TAS1R3: variants seen among roughly 807,000 people sequenced by gnomAD.
The protein encoded by TAS1R3 is taste 1 receptor member 3.
In TAS1R3, 58 loss-of-function variants were observed where a neutral mutation model predicts 46.1. The observed-to-expected ratio is 1.26, with a 90% CI of 1.02 to 1.57. The LOEUF (loss-of-function observed/expected upper bound fraction) is 1.57, where lower values mean the gene tolerates loss of function less well. TAS1R3 is among the 40% of genes most tolerant of loss of function. TAS1R3 has a pLI of 0.00. For synonymous variants in TAS1R3, 724 were observed against 544.7 expected (o/e 1.33, Z -4.58); for missense variants, 1,422 against 1,185.8 (o/e 1.20, Z -2.93).
At position 1,333,723 on chromosome 1, in the gene TAS1R3, G is replaced by A. The variant is rs1322026934; in HGVS notation, c.1818G>A (p.Leu606=). 3 of 1,605,694 alleles carry A rather than the reference G, an allele frequency of 1.9e-6. No homozygotes were observed. The highest frequency in any genetic ancestry group is 1.7e-6 in the Non-Finnish European group (2 of 1,177,530). ...TGGTTCAGGCCTCGGGGGGGCCCCT[G>A]GCCTGCTTTGGCCTGGTGTGCCTGG... ...SPLVQASGGP[L]ACFGLVCLGL... is the part of the protein sequence containing the mutation. Residue 606 remains leucine, a synonymous_variant, in exon 6 of 6, where the codon CTG becomes CTA. Coordinates refer to ENST00000339381, the MANE Select transcript of TAS1R3 (RefSeq NM_152228.3).
At position 1,332,376 on chromosome 1, in the gene TAS1R3, C is replaced by T; in HGVS notation, c.845C>T (p.Ala282Val). 1 of 1,600,722 alleles carries T rather than the reference C, an allele frequency of 6.2e-7. No individual in the cohort carries two copies. Among genetic ancestry groups the T allele is most frequent in the Non-Finnish European group, 8.5e-7 (1 of 1,174,844 alleles). Residue 282 changes from alanine to valine, a missense_variant, in exon 3 of 6, where the codon GCC (alanine) becomes GTC (valine). By Grantham distance (64) the Ala-to-Val change is moderately conservative. Transcript: ENST00000339381. ...TTCGCCTCCGTGCACGCCGCCCACG[C>T]CCTCTTCAACTACAGCATCAGCAGC... ...LLFASVHAAH[A>V]LFNYSISSRL...
Position 1,334,674 on chromosome 1 carries a change from G to A in TAS1R3, c.*210G>A, listed in dbSNP as rs369353486. The A allele has an allele frequency of 3.6e-3, 2,120 of 593,170 alleles. 12 individuals are homozygous for A. The highest frequency in any genetic ancestry group is 5.3e-3 in the Non-Finnish European group (1,833 of 345,208). 36.7% of individuals were successfully genotyped at this position (593,170 alleles called of 1,614,324 possible). On this transcript the variant is annotated 3_prime_UTR_variant, in exon 6 of 6. Transcript: ENST00000339381. ...GGCCCCAGAGCCAAGCTGTGTCCCT[G>A]TCCCTCTGTGCCCAGACCAGGCCTG...
Position 1,333,004 on chromosome 1 carries a change from G to A in TAS1R3, c.1359G>A (p.Glu453=), listed in dbSNP as rs773709147. ...RFDSSGNVDM[E]YDLKLWVWQG... ...ACAGCAGCGGAAACGTGGACATGGA[G>A]TACGACCTGAAGCTGTGGGTGTGGC... The change falls in exon 4 of 6, where the codon GAG becomes GAA. Residue 453 remains glutamate (E), a synonymous_variant. Coordinates refer to ENST00000339381, the MANE Select transcript of TAS1R3 (RefSeq NM_152228.3). The A allele has an allele frequency of 3.1e-6, 5 of 1,612,684 alleles. No individual in the cohort carries two copies. The highest frequency in any genetic ancestry group is 4.5e-5 in the East Asian group (2 of 44,890).
chr1:1,332,198 C>G lies in TAS1R3; in HGVS notation c.667C>G (p.Leu223Val). 6.3e-7 allele frequency: 1 copy of G among 1,595,084 alleles called. No homozygotes were observed. Among genetic ancestry groups the G allele is most frequent in the Non-Finnish European group, 8.5e-7 (1 of 1,177,228 alleles). The change falls in exon 3 of 6, where the codon CTG becomes GTG. Residue 223 changes from leucine (L) to valine (V), a missense_variant. Physicochemically the swap from Leu to Val is conservative, Grantham distance 32 (BLOSUM62 1). Coordinates refer to ENST00000339381, the MANE Select transcript of TAS1R3 (RefSeq NM_152228.3). ...GSDDEYGRQGLSIFSALAAAR... is the reference protein window; with the variant it reads ...GSDDEYGRQGVSIFSALAAAR... ...CGACGACGAGTACGGCCGGCAGGGCCTGAGCATCTTCTCGGCCCTGGCCGC... is the reference window on the plus strand; with the variant it reads ...CGACGACGAGTACGGCCGGCAGGGCGTGAGCATCTTCTCGGCCCTGGCCGC...
rs139563813 is a variant in TAS1R3, at chr1:1,333,648, C to A, written c.1743C>A (p.Gly581=). 3.1e-6 allele frequency: 5 copies of A among 1,612,116 alleles called. No individual in the cohort carries two copies. In the South Asian group the frequency reaches 5.5e-5, roughly 18 times the overall value. The change falls in exon 6 of 6, where the codon GGC becomes GGA. Residue 581 remains glycine, a synonymous_variant. Coordinates refer to ENST00000339381, the MANE Select transcript of TAS1R3 (RefSeq NM_152228.3). The part of the protein sequence containing the change: ...LLLLLLSLAL[G]LVLAALGLFV... ...TCCTGCTGCTGAGCCTGGCGCTGGGCCTTGTGCTGGCTGCTTTGGGGCTGT... is the reference window on the plus strand; with the variant it reads ...TCCTGCTGCTGAGCCTGGCGCTGGGACTTGTGCTGGCTGCTTTGGGGCTGT...
rs375666427 is a variant in TAS1R3, at chr1:1,332,644, G to T, written c.1113G>T (p.Pro371=). 1.2e-6 allele frequency: 2 copies of T among 1,607,904 alleles called. No homozygotes were observed. The highest frequency in any genetic ancestry group is 1.7e-6 in the Non-Finnish European group (2 of 1,179,636). The stretch of plus-strand genomic sequence containing the variant: ...AGGACGTGGTGGGCCAGCGCTGCCC[G>T]CAGTGTGACTGCATCACGCTGCAGA... ...LEEDVVGQRC[P]QCDCITLQNV... The change falls in exon 3 of 6, where the codon CCG becomes CCT. Residue 371 remains proline, a synonymous_variant. Coordinates refer to ENST00000339381, the MANE Select transcript of TAS1R3 (RefSeq NM_152228.3).
In TAS1R3 at chr1:1,332,061, G is replaced by A. The variant is rs373399503; in HGVS notation, c.530G>A (p.Arg177Gln). 1.0e-4 allele frequency: 163 copies of A among 1,559,492 alleles called. 1 individual carries two copies. The highest frequency in any genetic ancestry group is 1.0e-3 in the South Asian group (90 of 90,176). The stretch of plus-strand genomic sequence containing the variant: ...GCTAGCATGGAGCTGCTGAGCGCCC[G>A]GGAGACCTTCCCCTCCTTCTTCCGC... ...YGASMELLSARETFPSFFRTV... is the reference protein window; with the variant it reads ...YGASMELLSAQETFPSFFRTV... The change falls in exon 3 of 6, where the codon CGG becomes CAG. Residue 177 changes from arginine to glutamine, a missense_variant. Arg to Gln is a conservative substitution (Grantham distance 43). Coordinates refer to ENST00000339381, the MANE Select transcript of TAS1R3 (RefSeq NM_152228.3).
chr1:1,333,934 CG>C lies in TAS1R3; in HGVS notation c.2034del (p.Trp680GlyfsTer29), dbSNP rs745440810. ...SWADRLSGCLRGPWAWLVVLL... is the reference protein window; with the variant it reads ...SWADRLSGCLXGPWAWLVVLL... ...GGCAGACCGGCTGAGTGGCTGCCTGCGGGGGCCCTGGGCCTGGCTGGTGGTG... is the reference window on the plus strand; with the variant it reads ...GGCAGACCGGCTGAGTGGCTGCCTGCGGGGCCCTGGGCCTGGCTGGTGGTG... On this transcript the variant is annotated frameshift_variant, in exon 6 of 6. Transcript: ENST00000339381. LOFTEE classifies it low-confidence loss of function (END_TRUNC). 5.4e-5 allele frequency: 87 copies of C among 1,600,144 alleles called. No individual in the cohort carries two copies. In the African/African-American group the frequency reaches 8.4e-4, roughly 15 times the overall value.
Position 1,332,245 on chromosome 1 carries a change from G to A in TAS1R3, c.714G>A (p.Ala238=), listed in dbSNP as rs759746670. The A allele has an allele frequency of 1.9e-5, 31 of 1,595,204 alleles. No homozygotes were observed. Among genetic ancestry groups the A allele is most frequent in the African/African-American group, 1.5e-4 (11 of 74,784 alleles). ...CCGCGGCACGCGGCATCTGCATCGC[G>A]CACGAGGGCCTGGTGCCGCTGCCCC... ...ALAAARGICI[A]HEGLVPLPRA... Residue 238 remains alanine (A), a synonymous_variant, in exon 3 of 6, where the codon GCG becomes GCA. Transcript: ENST00000339381.
At position 1,331,881 on chromosome 1, in the gene TAS1R3, C is replaced by T; in HGVS notation, c.435C>T (p.His145=). The T allele has an allele frequency of 6.2e-7, 1 of 1,612,858 alleles. No individual in the cohort carries two copies. Among genetic ancestry groups the T allele is most frequent in the South Asian group, 1.1e-5 (1 of 91,078 alleles). ...QPRVLAVIGP[H]SSELAMVTGK... is the part of the protein sequence containing the mutation. The stretch of plus-strand genomic sequence containing the variant: ...GTGTGCTGGCTGTCATCGGGCCCCA[C>T]TCGTCAGAGCTCGCCATGGTCACCG... Residue 145 remains histidine, a synonymous_variant, in exon 2 of 6, where the codon CAC becomes CAT. Transcript: ENST00000339381.
In TAS1R3 at chr1:1,332,060, C is replaced by T. The variant is rs542634007; in HGVS notation, c.529C>T (p.Arg177Trp). ...YGASMELLSA[R>W]ETFPSFFRTV... Reference sequence around the variant, plus strand: ...TGCTAGCATGGAGCTGCTGAGCGCCCGGGAGACCTTCCCCTCCTTCTTCCG... The same window carrying T: ...TGCTAGCATGGAGCTGCTGAGCGCCTGGGAGACCTTCCCCTCCTTCTTCCG... Residue 177 changes from arginine to tryptophan, a missense_variant, in exon 3 of 6, where the codon CGG becomes TGG. Arg to Trp is a moderately radical substitution (Grantham distance 101, BLOSUM62 -3). Transcript: ENST00000339381. 38 of 1,605,206 alleles carry T rather than the reference C, an allele frequency of 2.4e-5. No homozygotes were observed. The highest frequency in any genetic ancestry group is 8.0e-5 in the African/African-American group (6 of 75,032).
At position 1,331,755 on chromosome 1, in the gene TAS1R3, C is replaced by A; in HGVS notation, c.309C>A (p.Cys103Ter). 6.2e-7 allele frequency: 1 copy of A among 1,612,920 alleles called. No individual in the cohort carries two copies. Among genetic ancestry groups the A allele is most frequent in the Non-Finnish European group, 8.5e-7 (1 of 1,180,026 alleles). Residue 103 changes from cysteine (C) to a stop codon, truncating the protein, a stop_gained, in exon 2 of 6, where the codon TGC becomes TGA. Coordinates refer to ENST00000339381, the MANE Select transcript of TAS1R3 (RefSeq NM_152228.3). LOFTEE classifies it high-confidence loss of function. The stretch of plus-strand genomic sequence containing the variant: ...TGGGCTACGACCTCTTTGATACGTG[C>A]TCGGAGCCTGTGGTGGCCATGAAGC... ...LRLGYDLFDT[C>*]SEPVVAMKPS...
chr1:1,331,945 G>C lies in TAS1R3; in HGVS notation c.492+7G>C, dbSNP rs372504684. The C allele has an allele frequency of 5.0e-6, 8 of 1,606,912 alleles. No individual in the cohort carries two copies. Among genetic ancestry groups the C allele is most frequent in the African/African-American group, 4.1e-5 (3 of 73,422 alleles). On this transcript the variant is annotated splice_region_variant and intron_variant, in intron 2 of 5. Transcript: ENST00000339381. ...CTTCTTCCTCATGCCCCAGGTGGGCGCCCCCCACCATCACCCACCCCCACC... is the reference window on the plus strand; with the variant it reads ...CTTCTTCCTCATGCCCCAGGTGGGCCCCCCCCACCATCACCCACCCCCACC...
Position 1,332,420 on chromosome 1 carries a change from T to C in TAS1R3, c.889T>C (p.Trp297Arg), listed in dbSNP as rs1643450329. The change falls in exon 3 of 6, where the codon TGG becomes CGG. Residue 297 changes from tryptophan to arginine, a missense_variant. By Grantham distance (101) the Trp-to-Arg change is moderately radical (BLOSUM62 -3). Coordinates refer to ENST00000339381, the MANE Select transcript of TAS1R3 (RefSeq NM_152228.3). ...SISSRLSPKV[W>R]VASEAWLTSD... ...CAGCAGCAGGCTCTCGCCCAAGGTG[T>C]GGGTGGCCAGCGAGGCCTGGCTGAC... 6.2e-7 allele frequency: 1 copy of C among 1,606,844 alleles called. No individual in the cohort carries two copies. The highest frequency in any genetic ancestry group is 1.3e-5 in the African/African-American group (1 of 74,986).
chr1:1,331,622 TTC>T lies in TAS1R3; in HGVS notation c.192-14_192-13del. ...CTGGGGCCGAGGTGGCCATCTGCGG[TTC>T]TGTGTGGCCCCAGGTTCTCCTCAAA... On this transcript the variant is annotated splice_polypyrimidine_tract_variant and intron_variant, in intron 1 of 5. Coordinates refer to ENST00000339381, the MANE Select transcript of TAS1R3 (RefSeq NM_152228.3). 5 of 1,607,840 alleles carry T rather than the reference TTC, an allele frequency of 3.1e-6. No homozygotes were observed. The highest frequency in any genetic ancestry group is 4.3e-6 in the Non-Finnish European group (5 of 1,176,280).
In TAS1R3 at chr1:1,334,027, G is replaced by A. The variant is rs1643496519; in HGVS notation, c.2122G>A (p.Val708Met). Reference protein sequence around the residue: ...WYLVAFPPEVVTDWHMLPTEA... With the variant: ...WYLVAFPPEVMTDWHMLPTEA... The stretch of plus-strand genomic sequence containing the variant: ...CCTGGTGGCCTTCCCGCCGGAGGTG[G>A]TGACGGACTGGCACATGCTGCCCAC... The change falls in exon 6 of 6, where the codon GTG (valine) becomes ATG (methionine). Residue 708 changes from valine (V) to methionine (M), a missense_variant. Transcript: ENST00000339381. The A allele has an allele frequency of 6.9e-6, 11 of 1,601,320 alleles. No individual in the cohort carries two copies. In the South Asian group the frequency reaches 1.2e-4, roughly 18 times the overall value.
chr1:1,334,227 C>CT lies in TAS1R3; in HGVS notation c.2323dup (p.Trp775LeufsTer68). On this transcript the variant is annotated frameshift_variant, in exon 6 of 6. Coordinates refer to ENST00000339381, the MANE Select transcript of TAS1R3 (RefSeq NM_152228.3). LOFTEE classifies it low-confidence loss of function (END_TRUNC). ...TTGCCATGCTGGCCTACTTCATCAC[C>CT]TGGGTCTCCTTTGTGCCCCTCCTGG... The CT allele has an allele frequency of 6.2e-7, 1 of 1,610,546 alleles. No homozygotes were observed. Among genetic ancestry groups the CT allele is most frequent in the Non-Finnish European group, 8.5e-7 (1 of 1,179,036 alleles).
rs993730676 is a variant in TAS1R3 at position 1,333,097 on chromosome 1, G to A, written c.1452G>A (p.Lys484=). The change falls in exon 4 of 6, where the codon AAG becomes AAA. Residue 484 remains lysine (K), a synonymous_variant. Transcript: ENST00000339381. ...GCAGCCTCAGGACAGAGCGCCTGAA[G>A]ATCCGCTGGCACACGTCTGACAACC... ...FNGSLRTERL[K]IRWHTSDNQK... is the part of the protein sequence containing the mutation. 4.3e-6 allele frequency: 7 copies of A among 1,612,158 alleles called. No individual in the cohort carries two copies. Among genetic ancestry groups the A allele is most frequent in the Admixed American group, 1.7e-5 (1 of 59,980 alleles).
chr1:1,332,781 C>T lies in TAS1R3; in HGVS notation c.1250C>T (p.Ala417Val), dbSNP rs1282791674. ...CAGTGCAACGCCTCAGGCTGCCCCGCGCAGGACCCCGTGAAGCCCTGGCAG... is the reference window on the plus strand; with the variant it reads ...CAGTGCAACGCCTCAGGCTGCCCCGTGCAGGACCCCGTGAAGCCCTGGCAG... ...TLQCNASGCP[A>V]QDPVKPWQLL... Residue 417 changes from alanine (A) to valine (V), a missense_variant, in exon 3 of 6, where the codon GCG (alanine) becomes GTG (valine). Transcript: ENST00000339381. 9.3e-6 allele frequency: 15 copies of T among 1,605,348 alleles called. No individual in the cohort carries two copies. The highest frequency in any genetic ancestry group is 2.2e-5 in the South Asian group (2 of 90,992).
Sources: allele counts gnomAD v4.1 joint callset, GRCh38; gene constraint gnomAD v4.1.1; transcripts MANE v1.5; gene names NCBI Gene and HGNC (gene_info 2026-07-23, HGNC 2026-07-21).